GGA2: variants seen among roughly 807,000 people sequenced by gnomAD.
GGA2 encodes the protein golgi associated, gamma adaptin ear containing, ARF binding protein 2.
A neutral mutation model predicts 79.5 loss-of-function variants in GGA2; 48 were observed. The ratio of observed to expected loss-of-function variants is 0.60; its 90% CI spans 0.48 to 0.77. GGA2 has a LOEUF of 0.77. GGA2 is among the 30% of genes least tolerant of loss of function. The pLI is 0.00. For synonymous variants in GGA2, 317 were observed against 302.0 expected (o/e 1.05, Z -0.51); for missense variants, 770 against 774.0 (o/e 0.99, Z 0.06).
At chr16:23,469,207 G>C (rs751048578) in intron 15 of GGA2, 49 of 472,354 alleles carry the variant, frequency 1.0e-4, no homozygotes, top group Non-Finnish European at 1.5e-4. Context: ...TCCACACACA[G>C]AATGGATCGG....
intron 14 of GGA2, among the ~76,000 whole-genome samples, chr16:23,470,824 GCTTTT>G (rs1964501761): frequency 8.6e-6 from 1 of 116,736 alleles, no homozygotes; most frequent in Non-Finnish European, 1.7e-5. Flanking sequence ...TGAAATAAAT[GCTTTT>G]TTTTTTTTTT....
At position 23,510,318 on chromosome 16, in the gene GGA2, CACTG is replaced by C. The variant is rs767061407; in HGVS notation, c.90_91+2del. ...TGCGCCGAAGGCCTGCCAGGCTACT[CACTG>C]AGCCACAGCTCCAGCGACGCTGCCG... On this transcript the variant is annotated splice_donor_variant and coding_sequence_variant, in exon 1 of 17. Coordinates refer to ENST00000309859, the MANE Select transcript of GGA2 (RefSeq NM_015044.4). LOFTEE classifies it high-confidence loss of function. 75 of 1,432,162 alleles carry C rather than the reference CACTG, an allele frequency of 5.2e-5. No homozygotes were observed. The highest frequency in any genetic ancestry group is 2.0e-4 in the Middle Eastern group (1 of 5,042). The allele number at this position is 1,432,162 out of a possible 1,614,324, so 88.7% of individuals were successfully genotyped here. A position where few individuals can be genotyped will look rare whatever the true frequency, so the allele number is the denominator to read the frequency against.
At chr16:23,512,700 C>CTTTTTT (rs34027000), upstream of GGA2, among the ~76,000 whole-genome samples, 8 of 55,926 alleles carry the variant, frequency 1.4e-4, no homozygotes, top group East Asian at 6.5e-4. Flanking sequence ...TAAAGAAAAT[C>CTTTTTT]TTTTTTTTTT....
chr16:23,491,628 G>A (rs58978917), intron 5 of GGA2, 49 bp downstream of exon 5: 1 of 1,570,592 alleles, frequency 6.4e-7, no homozygotes, highest in South Asian at 1.1e-5. Flanking sequence ...AAAGCAAGAA[G>A]ATACAGGCCT....
At chr16:23,522,012 C>G (rs764159407), upstream of GGA2, 2 of 341,284 alleles carry the variant, frequency 5.9e-6, no homozygotes. Context: ...TACTGCTTCT[C>G]TCATAGTGTT....
In GGA2 at chr16:23,509,214, G is replaced by A. The variant is rs1228690736; in HGVS notation, c.91+1107C>T. On this transcript the variant is annotated intron_variant, in intron 1 of 16. Coordinates refer to ENST00000309859, the MANE Select transcript of GGA2 (RefSeq NM_015044.4). ...ATAAACTCCTTTCTGCAGCACACAA[G>A]GCTCTTGAAGATCTCGCCCCAATTA... 5.9e-5 allele frequency among the ~76,000 whole-genome samples: 9 copies of A among 152,180 alleles called. No individual in the cohort carries two copies. In the East Asian group the frequency reaches 7.7e-4, roughly 13 times the overall value.
At chr16:23,485,895 G>T in intron 8 of GGA2, 120 bp downstream of exon 8, 1 of 875,072 alleles carries the variant, frequency 1.1e-6, no homozygotes, top group Non-Finnish European at 1.8e-6. Context: ...GACATTTGGG[G>T]AGGTGTCAGA....
At chr16:23,474,863 A>AG (rs772879254) in intron 14 of GGA2, 41 bp downstream of exon 14, 18 of 1,468,896 alleles carry the variant, frequency 1.2e-5, no homozygotes, top group Middle Eastern at 1.8e-4. Flanking sequence ...ATAGATTCCC[A>AG]GGGAAAAAAA....
intron 13 of GGA2, 131 bp from the exon 14 acceptor site, chr16:23,475,192 T>A: frequency 6.9e-6 from 2 of 290,622 alleles, no homozygotes; most frequent in Non-Finnish European, 1.3e-5. Flanking sequence ...TATATGCCTT[T>A]TTTTTTTTTT....
chr16:23,477,363 C>T (rs1196336346), intron 13 of GGA2, among the ~76,000 whole-genome samples: 1 of 152,170 alleles, frequency 6.6e-6, no homozygotes, highest in South Asian at 2.1e-4. Context: ...ACTGTTCTCA[C>T]GGTAGTAAGT....
rs558609217 is a variant in GGA2 at position 23,465,286 on chromosome 16, A to G, written c.*2304T>C. 10 of 701,802 alleles carry G rather than the reference A, an allele frequency of 1.4e-5. No homozygotes were observed. Among genetic ancestry groups the G allele is most frequent in the African/African-American group, 8.7e-5 (5 of 57,390 alleles). The allele number at this position is 701,802 out of a possible 1,614,324, so 43.5% of individuals were successfully genotyped here. ...AGGCGTGAGCCACTGTGCACAGCCA[A>G]TAACTACTTGTTAAGTGAATGAAGA... On this transcript the variant is annotated 3_prime_UTR_variant, in exon 17 of 17. Coordinates refer to ENST00000309859, the MANE Select transcript of GGA2 (RefSeq NM_015044.4).
rs1964829879 is a variant in GGA2 at position 23,494,450 on chromosome 16, A to T, written c.177-72T>A. 3 of 980,792 alleles carry T rather than the reference A, an allele frequency of 3.1e-6. No homozygotes were observed. The East Asian group carries it at 7.1e-5, about 23-fold the overall frequency. The allele number at this position is 980,792 out of a possible 1,614,324, so 60.8% of individuals were successfully genotyped here. On this transcript the variant is annotated intron_variant, in intron 2 of 16. Transcript: ENST00000309859. ...CTAACCCGAGTGGCTGAGCATGCTC[A>T]GTAAAATCACTTTTCTTCCAGGGGC...
chr16:23,467,597 G>T lies in GGA2; in HGVS notation c.1835C>A (p.Ala612Glu). Residue 612 changes from alanine to glutamate, a missense_variant, in exon 17 of 17, where the codon GCA (alanine) becomes GAA (glutamate). By Grantham distance (107) the Ala-to-Glu change is moderately radical (BLOSUM62 -1). Transcript: ENST00000309859. ...KDFPDLAVLG[A>E]A Reference sequence around the variant, plus strand: ...GGTCCATCTTGTGAAAAGTTAGGCTGCGCCCAAGACAGCCAGGTCTGGGAA... The same window carrying T: ...GGTCCATCTTGTGAAAAGTTAGGCTTCGCCCAAGACAGCCAGGTCTGGGAA... The T allele has an allele frequency of 6.5e-7, 1 of 1,544,074 alleles. No individual in the cohort carries two copies. The highest frequency in any genetic ancestry group is 9.0e-7 in the Non-Finnish European group (1 of 1,116,982).
At chr16:23,511,557 G>C (rs1431816844), upstream of GGA2, among the ~76,000 whole-genome samples, 3 of 151,778 alleles carry the variant, frequency 2.0e-5, no homozygotes, top group East Asian at 3.9e-4. Flanking sequence ...GAGTGCAGTG[G>C]TGCTATCTCG....
intron 8 of GGA2, among the ~76,000 whole-genome samples, chr16:23,483,230 G>A (rs1964671617): frequency 6.6e-6 from 1 of 152,128 alleles, no homozygotes; most frequent in African/African-American, 2.4e-5. Context: ...AATCTGACCG[G>A]GCAGGGTGGC....
rs561580452 is a variant in GGA2, at chr16:23,504,728, C to T, written c.91+5593G>A. 4.6e-5 allele frequency among the ~76,000 whole-genome samples: 7 copies of T among 152,284 alleles called. No homozygotes were observed. In the South Asian group the frequency reaches 1.0e-3, roughly 23 times the overall value. The stretch of plus-strand genomic sequence containing the variant: ...CGGCCAGGGAGAAATTCAAAGGATG[C>T]CTTCTCTGTTTTGGGCTATCCCAGA... On this transcript the variant is annotated intron_variant, in intron 1 of 16. Coordinates refer to ENST00000309859, the MANE Select transcript of GGA2 (RefSeq NM_015044.4).
intron 15 of GGA2, 84 bp downstream of exon 15, chr16:23,469,912 G>GAC (rs1964487600): frequency 3.0e-6 from 3 of 1,007,170 alleles, no homozygotes; most frequent in Non-Finnish European, 4.2e-6. Flanking sequence ...TTCTTTCCTT[G>GAC]ACACTCGACA....
At chr16:23,504,252 A>C (rs369812669) in intron 1 of GGA2, among the ~76,000 whole-genome samples, 3 of 152,290 alleles carry the variant, frequency 2.0e-5, no homozygotes, top group African/African-American at 7.2e-5. Context: ...GCCCAGCTCC[A>C]CAGCCTGGAT....
chr16:23,474,876 A>G (rs11074559), intron 14 of GGA2, 28 bp downstream of exon 14: 1,171,645 of 1,510,924 alleles, frequency 0.78, 458,388 homozygotes, highest in Non-Finnish European at 0.8. Context: ...GAAAAAAAAA[A>G]AAAGGTGGGG....
Sources: allele counts gnomAD v4.1 joint callset (sites outside exome capture counted in the v4.1 genomes callset), GRCh38; gene constraint gnomAD v4.1.1; transcripts MANE v1.5; gene names NCBI Gene and HGNC (gene_info 2026-07-23, HGNC 2026-07-21).